Variants in DIAPH2 observed in about 807,000 individuals in gnomAD.
DIAPH2 encodes the protein diaphanous related formin 2.
Under a neutral mutation model 92.7 loss-of-function variants are expected in DIAPH2, and 35 were observed. The ratio of observed to expected loss-of-function variants is 0.38; its 90% CI spans 0.29 to 0.50. The LOEUF is 0.50. Among genes scored for constraint, DIAPH2 ranks in the 20% least tolerant of loss-of-function variants. The pLI is 0.94. For synonymous variants in DIAPH2, 301 were observed against 280.4 expected, an observed-to-expected ratio of 1.07 and a Z score of -0.73; for missense variants, 701 against 819.5, an observed-to-expected ratio of 0.86 and a Z score of 1.77.
At chrX:97,549,699 A>G (rs1367270224) in intron 26 of DIAPH2, among the ~76,000 whole-genome samples, 3 of 111,499 alleles carry the variant, frequency 2.7e-5, no homozygotes, top group Non-Finnish European at 5.6e-5. Context: ...GTAAGAGAAA[A>G]AAAATCCCAG....
intron 4 of DIAPH2, among the ~76,000 whole-genome samples, chrX:96,808,339 A>G (rs979673560): frequency 1.8e-5 from 2 of 111,804 alleles, no homozygotes; most frequent in African/African-American, 6.5e-5. Context: ...TACCCATTAT[A>G]TATCACTCTA....
chrX:97,384,799 G>A (rs925075178), intron 25 of DIAPH2, among the ~76,000 whole-genome samples: 12 of 110,276 alleles, frequency 1.1e-4, no homozygotes, highest in African/African-American at 4.0e-4. Context: ...CTGGGGGGCG[G>A]AGGCTACAGT....
rs746159525 is a variant in DIAPH2, at chrX:96,885,157, A to T, written c.587+3439A>T. The T allele has an allele frequency of 3.0e-6, 3 of 1,006,745 alleles. No individual in the cohort carries two copies. In the South Asian group the frequency reaches 6.9e-5, roughly 23 times the overall value. 83.0% of individuals were successfully genotyped at this position (1,006,745 alleles called of 1,213,427 possible). On this transcript the variant is annotated intron_variant, in intron 5 of 26. Transcript: ENST00000324765. ...TTGCATCCAGCTGTGAGTAATTTTG[A>T]CCTGTTGACTTTTTAGGAAGTAGGA... is the stretch of plus-strand genomic sequence containing the variant.
At chrX:97,203,712 A>G (rs1285726088) in intron 22 of DIAPH2, among the ~76,000 whole-genome samples, 2 of 111,816 alleles carry the variant, frequency 1.8e-5, no homozygotes, top group Non-Finnish European at 3.8e-5. Context: ...CCCAAACCAG[A>G]TGGATTCACA....
intron 26 of DIAPH2, among the ~76,000 whole-genome samples, chrX:97,433,542 C>T (rs1338765692): frequency 9.0e-6 from 1 of 110,952 alleles, no homozygotes; most frequent in East Asian, 2.9e-4. Flanking sequence ...AAAATATTAA[C>T]TGGTGTATCA....
chrX:96,899,056 CG>C (rs1475790577), intron 5 of DIAPH2, among the ~76,000 whole-genome samples: 4 of 108,584 alleles, frequency 3.7e-5, no homozygotes, highest in Admixed American at 3.0e-4. Context: ...GCATTATTTC[CG>C]AGGGCTCTGT....
At chrX:97,017,004 G>A (rs1216095736) in intron 17 of DIAPH2, among the ~76,000 whole-genome samples, 1 of 111,529 alleles carries the variant, frequency 9.0e-6, no homozygotes, top group Non-Finnish European at 1.9e-5. Flanking sequence ...TGTGTCACGG[G>A]CCTCCATCAT....
chrX:97,521,595 G>C (rs2070991616), intron 26 of DIAPH2, among the ~76,000 whole-genome samples: 2 of 111,306 alleles, frequency 1.8e-5, no homozygotes, highest in Admixed American at 1.9e-4. Context: ...CATGGCGGTG[G>C]TTTCCTCCAT....
At chrX:97,461,646 A>G (rs2070459538) in intron 26 of DIAPH2, among the ~76,000 whole-genome samples, 1 of 111,416 alleles carries the variant, frequency 9.0e-6, no homozygotes, top group African/African-American at 3.3e-5. Flanking sequence ...TCAGACCCCT[A>G]TGAAGATATT....
At chrX:97,380,228 G>A (rs1344650151) in intron 24 of DIAPH2, among the ~76,000 whole-genome samples, 1 of 110,846 alleles carries the variant, frequency 9.0e-6, no homozygotes, top group Non-Finnish European at 1.9e-5. Context: ...ACTTTTTTCT[G>A]TAAACATATT....
At chrX:97,064,574 A>G (rs1313049440) in intron 17 of DIAPH2, among the ~76,000 whole-genome samples, 1 of 110,826 alleles carries the variant, frequency 9.0e-6, no homozygotes, top group Non-Finnish European at 1.9e-5. Flanking sequence ...ACCATAAAAA[A>G]TTAATAACAC....
At chrX:96,780,696 A>G (rs1425192558) in intron 4 of DIAPH2, among the ~76,000 whole-genome samples, 6 of 109,757 alleles carry the variant, frequency 5.5e-5, no homozygotes, top group Non-Finnish European at 7.6e-5. Flanking sequence ...GTTAGCCAGG[A>G]TAGTCTCGAT....
chrX:97,404,484 A>C (rs1428914852), intron 25 of DIAPH2, among the ~76,000 whole-genome samples: 1 of 111,838 alleles, frequency 8.9e-6, no homozygotes. Flanking sequence ...TTTTTTCTTT[A>C]ATGAAAAACT....
intron 25 of DIAPH2, among the ~76,000 whole-genome samples, chrX:97,424,436 T>C (rs1012886118): frequency 9.0e-6 from 1 of 111,259 alleles, no homozygotes; most frequent in Non-Finnish European, 1.9e-5. Context: ...ACGTACAAGA[T>C]ATCTGTGGCA....
In DIAPH2 at chrX:96,706,559, G is replaced by A. The variant is rs113977235; in HGVS notation, c.132+21369G>A. Among the ~76,000 whole-genome samples the A allele has an allele frequency of 2.9e-3, 330 of 112,126 alleles. 4 individuals are homozygous for A. Among genetic ancestry groups the A allele is most frequent in the South Asian group, 2.6e-3 (7 of 2,683 alleles). ...GGATGGGAGAAGGAAGAATGAGTGT[G>A]GTGGAGTTGGGAGAGATGAAAGTAG... is the stretch of plus-strand genomic sequence containing the variant. On this transcript the variant is annotated intron_variant, in intron 1 of 26. Coordinates refer to ENST00000324765, the MANE Select transcript of DIAPH2 (RefSeq NM_006729.5).
At chrX:97,463,175 G>A (rs190212540) in intron 26 of DIAPH2, among the ~76,000 whole-genome samples, 10 of 109,451 alleles carry the variant, frequency 9.1e-5, no homozygotes, top group Non-Finnish European at 1.9e-4. Context: ...TGCTTGAAAC[G>A]AGACTTCACT....
intron 17 of DIAPH2, among the ~76,000 whole-genome samples, chrX:96,988,086 A>AATAT (rs535789884): frequency 7.4e-4 from 81 of 108,872 alleles, no homozygotes; most frequent in African/African-American, 2.6e-3. Context: ...TATATTTAGA[A>AATAT]ATATATATAT....
rs2068088542 is a variant in DIAPH2 at position 97,240,939 on chromosome X, C to T, written c.2720-6776C>T. Among the ~76,000 whole-genome samples, 4 of 111,431 alleles carry T rather than the reference C, an allele frequency of 3.6e-5. No individual in the cohort carries two copies. The South Asian group carries it at 1.5e-3, about 42-fold the overall frequency. On this transcript the variant is annotated intron_variant, in intron 22 of 26. Coordinates refer to ENST00000324765, the MANE Select transcript of DIAPH2 (RefSeq NM_006729.5). ...AGCTAAGTCATTGGCTTAAGATAAC[C>T]TAACTAGTAATATGTATGGCTGAGA...
intron 25 of DIAPH2, among the ~76,000 whole-genome samples, chrX:97,390,342 C>G (rs2069646924): frequency 9.5e-6 from 1 of 105,494 alleles, no homozygotes; most frequent in Admixed American, 1.0e-4. Context: ...ACGTCAGCCT[C>G]CCCAGTAACT....
Sources: gnomAD v4.1 joint callset for allele counts (sites outside exome capture counted in the v4.1 genomes callset) on GRCh38, gnomAD v4.1.1 for gene constraint, MANE v1.5 for transcripts, NCBI Gene and HGNC (gene_info 2026-07-23, HGNC 2026-07-21) for gene names.